Variants in EMP2 observed in about 807,000 individuals in gnomAD.
The protein encoded by EMP2 is epithelial membrane protein 2.
A neutral mutation model predicts 13.7 loss-of-function variants in EMP2; 19 were observed. That is an observed-to-expected ratio of 1.38 (90% CI 0.97 to 2.03). The LOEUF is 2.03. EMP2 is among the 30% of genes most tolerant of loss of function. The pLI, the probability that EMP2 is intolerant of heterozygous loss-of-function variation, is 0.00. For missense variants in EMP2, 253 were observed against 220.7 expected (o/e 1.15, Z -0.93); for synonymous variants, 97 against 84.7 (o/e 1.15, Z -0.80).
chr16:10,543,980 C>T (rs1311994664), intron 2 of EMP2, among the ~76,000 whole-genome samples: 1 of 152,130 alleles, frequency 6.6e-6, no homozygotes, highest in East Asian at 1.9e-4. Context: ...CCACCTCAGC[C>T]TCCTGAGTAT....
chr16:10,564,738 C>T (rs2050895932), intron 1 of EMP2, among the ~76,000 whole-genome samples: 1 of 152,038 alleles, frequency 6.6e-6, no homozygotes, highest in African/African-American at 2.4e-5. Flanking sequence ...TGGAAATAAA[C>T]CACCAGGGCA....
At chr16:10,569,762 T>C (rs967591237) in intron 1 of EMP2, among the ~76,000 whole-genome samples, 2 of 152,230 alleles carry the variant, frequency 1.3e-5, no homozygotes, top group Admixed American at 6.5e-5. Flanking sequence ...CATTTCCAAA[T>C]GCCTGCGTGC....
chr16:10,577,196 T>C (rs1287738867), intron 1 of EMP2, among the ~76,000 whole-genome samples: 5 of 152,192 alleles, frequency 3.3e-5, no homozygotes, highest in African/African-American at 1.2e-4. Flanking sequence ...CTGGGACTTC[T>C]AAGGTCCTTA....
At chr16:10,548,416 C>T (rs1016188379) in intron 1 of EMP2, among the ~76,000 whole-genome samples, 1 of 152,156 alleles carries the variant, frequency 6.6e-6, no homozygotes, top group African/African-American at 2.4e-5. Flanking sequence ...CCCAGCTGGG[C>T]ATGGTGGCTC....
rs139838380 is a variant in EMP2 at position 10,533,025 on chromosome 16, C to G, written c.384G>C (p.Ala128=). ...CTTCTCTGGTCACGGGATAGAATTT[C>G]GCGTTTTTGTCGTGAATGTCTTCAC... is the stretch of plus-strand genomic sequence containing the variant. The part of the protein sequence containing the change: ...DRREDIHDKN[A]KFYPVTREGS... The change falls in exon 5 of 5, where the codon GCG becomes GCC. Residue 128 remains alanine, a synonymous_variant. Coordinates refer to ENST00000359543, the MANE Select transcript of EMP2 (RefSeq NM_001424.6). The G allele has an allele frequency of 2.5e-6, 4 of 1,611,124 alleles. No homozygotes were observed. The highest frequency in any genetic ancestry group is 3.4e-5 in the Admixed American group (2 of 59,688).
chr16:10,530,090 T>G lies in EMP2; in HGVS notation c.*2815A>C, dbSNP rs551895760. The G allele has an allele frequency of 6.6e-6, 1 of 152,294 alleles. No individual in the cohort carries two copies. The highest frequency in any genetic ancestry group is 6.5e-5 in the Admixed American group (1 of 15,300). The allele number at this position is 152,294 out of a possible 1,614,324, so 9.4% of individuals were successfully genotyped here. On this transcript the variant is annotated 3_prime_UTR_variant, in exon 5 of 5. Transcript: ENST00000359543. ...GCCACATTCTTGCCCACAATATGAC[T>G]AGTGAGAGTATCTCATGGAGGCAGG...
intron 1 of EMP2, among the ~76,000 whole-genome samples, chr16:10,553,776 G>T (rs887418865): frequency 2.6e-5 from 4 of 152,228 alleles, no homozygotes; most frequent in African/African-American, 9.6e-5. Context: ...AGCCATTTAG[G>T]TCGCTTCCGG....
At chr16:10,572,467 T>C (rs2050955080) in intron 1 of EMP2, among the ~76,000 whole-genome samples, 2 of 150,870 alleles carry the variant, frequency 1.3e-5, no homozygotes, top group South Asian at 4.2e-4. Context: ...AAGATTTAGG[T>C]TTCTCTTGAC....
In EMP2 at chr16:10,580,174, G is replaced by T. The variant is rs2142219653; in HGVS notation, c.-61+375C>A. On this transcript the variant is annotated intron_variant, in intron 1 of 4. Transcript: ENST00000359543. This position sits in a 1 kb window ranked among gnomAD's most constrained non-coding sequence, Gnocchi z 4.3. Reference sequence around the variant, plus strand: ...GGCGCACCAGTCCTGCCCGCGAGGCGAGTCTGGGGACGCTGCCCGGGAATC... The same window carrying T: ...GGCGCACCAGTCCTGCCCGCGAGGCTAGTCTGGGGACGCTGCCCGGGAATC... Among the ~76,000 whole-genome samples, 1 of 152,314 alleles carries T rather than the reference G, an allele frequency of 6.6e-6. No individual in the cohort carries two copies. Among genetic ancestry groups the T allele is most frequent in the South Asian group, 2.1e-4 (1 of 4,828 alleles).
intron 1 of EMP2, among the ~76,000 whole-genome samples, chr16:10,558,059 T>C (rs185041952): frequency 4.0e-5 from 6 of 150,686 alleles, no homozygotes; most frequent in Non-Finnish European, 7.4e-5. Flanking sequence ...AAACAGGATC[T>C]CTCTCTGTTG....
Position 10,529,249 on chromosome 16 carries a change from T to G in EMP2, c.*3656A>C, listed in dbSNP as rs1157633592. 6.6e-6 allele frequency: 1 copy of G among 152,252 alleles called. No homozygotes were observed. Among genetic ancestry groups the G allele is most frequent in the African/African-American group, 2.4e-5 (1 of 41,468 alleles). The allele number at this position is 152,252 out of a possible 1,614,324, so 9.4% of individuals were successfully genotyped here. A position where few individuals can be genotyped will look rare whatever the true frequency, so the allele number is the denominator to read the frequency against. The stretch of plus-strand genomic sequence containing the variant: ...ATCTTTGGTCCTAATATGTGCTTCT[T>G]GGATGTCTACTAATTTTGTTGTTGT... On this transcript the variant is annotated 3_prime_UTR_variant, in exon 5 of 5. Coordinates refer to ENST00000359543, the MANE Select transcript of EMP2 (RefSeq NM_001424.6).
chr16:10,562,130 C>T (rs960820994), intron 1 of EMP2, among the ~76,000 whole-genome samples: 1 of 152,156 alleles, frequency 6.6e-6, no homozygotes, highest in African/African-American at 2.4e-5. Flanking sequence ...AAAGGAAAGA[C>T]AGACCAATAT....
At chr16:10,571,439 T>G (rs1414953164) in intron 1 of EMP2, among the ~76,000 whole-genome samples, 1 of 152,072 alleles carries the variant, frequency 6.6e-6, no homozygotes, top group Non-Finnish European at 1.5e-5. Context: ...CCAGAGATTC[T>G]GATATCATTA....
intron 1 of EMP2, among the ~76,000 whole-genome samples, chr16:10,577,284 G>GCATGAGTA (rs2050990042): frequency 6.6e-6 from 1 of 152,194 alleles, no homozygotes; most frequent in Non-Finnish European, 1.5e-5. Flanking sequence ...ACCTGAAGGA[G>GCATGAGTA]CATGAGTACC....
intron 1 of EMP2, among the ~76,000 whole-genome samples, chr16:10,574,688 A>G (rs1297960161): frequency 6.6e-6 from 1 of 152,038 alleles, no homozygotes; most frequent in Non-Finnish European, 1.5e-5. Context: ...AGTAGCTGGG[A>G]CTACAGGTGT....
Position 10,531,329 on chromosome 16 carries a change from C to A in EMP2, c.*1576G>T, listed in dbSNP as rs1408823841. The A allele has an allele frequency of 6.5e-6, 1 of 152,684 alleles. No homozygotes were observed. Among genetic ancestry groups the A allele is most frequent in the Non-Finnish European group, 1.5e-5 (1 of 68,906 alleles). 9.5% of individuals were successfully genotyped at this position (152,684 alleles called of 1,614,324 possible). On this transcript the variant is annotated 3_prime_UTR_variant, in exon 5 of 5. Transcript: ENST00000359543. Reference sequence around the variant, plus strand: ...CTCCATCACAGTGTGTAATTAGTTTCTTTTCTTTTTTTTCTTTTTTTGAGA... The same window carrying A: ...CTCCATCACAGTGTGTAATTAGTTTATTTTCTTTTTTTTCTTTTTTTGAGA...
At chr16:10,541,012 T>A (rs2050692700) in intron 3 of EMP2, among the ~76,000 whole-genome samples, 1 of 151,348 alleles carries the variant, frequency 6.6e-6, no homozygotes, top group South Asian at 2.1e-4. Flanking sequence ...CACTCGAACC[T>A]GGGGGGCAGA....
chr16:10,573,573 C>G (rs1276771096), intron 1 of EMP2, among the ~76,000 whole-genome samples: 2 of 152,232 alleles, frequency 1.3e-5, no homozygotes, highest in African/African-American at 2.4e-5. Flanking sequence ...CCCATCCTCA[C>G]ACCTGCACAA....
chr16:10,567,794 G>A (rs949264797), intron 1 of EMP2, among the ~76,000 whole-genome samples: 2 of 152,170 alleles, frequency 1.3e-5, no homozygotes, highest in African/African-American at 2.4e-5. Flanking sequence ...ATGGACTCCC[G>A]CTGTGAGCAG....
Sources: gnomAD v4.1 joint callset for allele counts (sites outside exome capture counted in the v4.1 genomes callset) on GRCh38, gnomAD v4.1.1 for gene constraint, Gnocchi (gnomAD v3.1) non-coding constraint, MANE v1.5 for transcripts, NCBI Gene and HGNC (gene_info 2026-07-23, HGNC 2026-07-21) for gene names.